STK32C: variants seen among roughly 807,000 people sequenced by gnomAD.
The protein encoded by STK32C is serine/threonine kinase 32C, also known as serine/threonine-protein kinase 32C.
In STK32C, 31 loss-of-function variants were observed where a neutral mutation model predicts 56.5. The ratio of observed to expected loss-of-function variants is 0.55; its 90% CI spans 0.41 to 0.74. STK32C has a LOEUF of 0.74. Ranked by LOEUF, STK32C falls within the 30% of genes least tolerant of loss-of-function variation. The pLI is 0.00. For synonymous variants in STK32C, 309 were observed against 289.4 expected, an observed-to-expected ratio of 1.07 and a Z score of -0.69; for missense variants, 544 against 676.9, an observed-to-expected ratio of 0.80 and a Z score of 2.18.
chr10:132,308,312 G>T (rs1188201189), upstream of STK32C, among the ~76,000 whole-genome samples: 1 of 152,174 alleles, frequency 6.6e-6, no homozygotes, highest in African/African-American at 2.4e-5. Flanking sequence ...GGCGTCCCTG[G>T]CACGGGGACT....
intron 1 of STK32C, among the ~76,000 whole-genome samples, chr10:132,301,977 C>A (rs1336188153): frequency 6.6e-6 from 1 of 152,248 alleles, no homozygotes; most frequent in African/African-American, 2.4e-5. Flanking sequence ...CGCGGGCCAG[C>A]AGCGCTGGCA....
intron 1 of STK32C, among the ~76,000 whole-genome samples, chr10:132,326,334 A>G (rs1208853296): frequency 1.3e-5 from 2 of 151,804 alleles, no homozygotes; most frequent in African/African-American, 4.8e-5. Context: ...CAGTCTTAAA[A>G]CCTCTATTTT....
intron 1 of STK32C, among the ~76,000 whole-genome samples, chr10:132,253,559 G>A (rs112083057): frequency 0.079 from 11,276 of 142,074 alleles, 559 homozygotes; most frequent in East Asian, 0.32. Context: ...GGAGCTGGAG[G>A]GAGTCGAGGG....
chr10:132,332,207 G>C (rs900128569), upstream of STK32C: 11 of 155,262 alleles, frequency 7.1e-5, no homozygotes, highest in African/African-American at 2.6e-4. Flanking sequence ...TCGGGCTGCT[G>C]CTCTCAGCGG....
intron 1 of STK32C, among the ~76,000 whole-genome samples, chr10:132,268,789 CCCA>C (rs1454522691): frequency 7.1e-6 from 1 of 141,434 alleles, no homozygotes; most frequent in African/African-American, 2.7e-5. Context: ...GCATCCATGT[CCCA>C]CATCGTGTGT....
intron 2 of STK32C, among the ~76,000 whole-genome samples, chr10:132,243,104 C>T (rs918109201): frequency 3.3e-5 from 5 of 152,198 alleles, no homozygotes; most frequent in Non-Finnish European, 7.3e-5. Flanking sequence ...GGGGCAGCGA[C>T]CTCCCCTCAT....
intron 1 of STK32C, among the ~76,000 whole-genome samples, chr10:132,302,662 G>C (rs370791750): frequency 1.3e-5 from 2 of 152,228 alleles, no homozygotes; most frequent in Non-Finnish European, 2.9e-5. Context: ...TTGCCTCACA[G>C]GGTCAGGAGG....
chr10:132,327,159 GGGGCA>G (rs2066516042), intron 1 of STK32C, among the ~76,000 whole-genome samples: 2 of 152,060 alleles, frequency 1.3e-5, no homozygotes, highest in South Asian at 4.1e-4. Context: ...CTGAATCATG[GGGGCA>G]GGTCTTTCCC....
chr10:132,290,532 T>C (rs2065532290), intron 1 of STK32C, among the ~76,000 whole-genome samples: 1 of 152,178 alleles, frequency 6.6e-6, no homozygotes, highest in African/African-American at 2.4e-5. Flanking sequence ...ATCTCCAAAC[T>C]CAAAGCCAGA....
chr10:132,310,044 C>T (rs977057558), upstream of STK32C, among the ~76,000 whole-genome samples: 1 of 152,194 alleles, frequency 6.6e-6, no homozygotes, highest in East Asian at 1.9e-4. This position sits in a 1 kb window ranked among gnomAD's most constrained non-coding sequence, Gnocchi z 4.6. Context: ...GACGCCTCCC[C>T]GGCCCGGGCA....
chr10:132,309,502 C>T (rs1226219703), upstream of STK32C, among the ~76,000 whole-genome samples: 1 of 152,254 alleles, frequency 6.6e-6, no homozygotes, highest in Non-Finnish European at 1.5e-5. Context: ...GCAGCTCTCC[C>T]TGCCTGGCTA....
At chr10:132,267,912 TCA>T in intron 1 of STK32C, among the ~76,000 whole-genome samples, 1 of 147,190 alleles carries the variant, frequency 6.8e-6, no homozygotes, top group African/African-American at 2.5e-5. Flanking sequence ...TGTGTGTGTG[TCA>T]GTGCGTGTGC....
At chr10:132,230,151 G>C (rs368436784) in intron 2 of STK32C, among the ~76,000 whole-genome samples, 1 of 152,054 alleles carries the variant, frequency 6.6e-6, no homozygotes, top group Admixed American at 6.5e-5. Flanking sequence ...TTGGGAGGGC[G>C]GGGCGGGGCG....
At chr10:132,242,017 T>C (rs1388226581) in intron 2 of STK32C, among the ~76,000 whole-genome samples, 2 of 151,708 alleles carry the variant, frequency 1.3e-5, no homozygotes, top group Non-Finnish European at 2.9e-5. Context: ...GGCTGAGGAA[T>C]GAGAATCACT....
intron 1 of STK32C, among the ~76,000 whole-genome samples, chr10:132,263,296 G>T (rs2064367579): frequency 1.3e-5 from 2 of 152,156 alleles, no homozygotes; most frequent in Non-Finnish European, 2.9e-5. Flanking sequence ...GTGGCAACAT[G>T]GATGCAGCTG....
At chr10:132,249,243 G>A (rs1271892859) in intron 1 of STK32C, 2 of 357,480 alleles carry the variant, frequency 5.6e-6, no homozygotes, top group Non-Finnish European at 1.1e-5. Flanking sequence ...CTGAGGGTGG[G>A]GCTGTGGGGT....
chr10:132,272,526 T>C (rs2064861058), intron 1 of STK32C, among the ~76,000 whole-genome samples: 1 of 152,160 alleles, frequency 6.6e-6, no homozygotes, highest in Non-Finnish European at 1.5e-5. Flanking sequence ...GCCTGAAGCC[T>C]TGGCATGGGC....
chr10:132,245,112 C>T (rs761191482), intron 2 of STK32C, among the ~76,000 whole-genome samples: 5 of 152,184 alleles, frequency 3.3e-5, no homozygotes, highest in South Asian at 4.1e-4. Context: ...AAATACCCTA[C>T]GTATTATGCT....
chr10:132,285,871 C>T (rs2138270116), intron 1 of STK32C, among the ~76,000 whole-genome samples: 1 of 152,280 alleles, frequency 6.6e-6, no homozygotes. Flanking sequence ...CGTGTAAGCC[C>T]AGCACTTTGG....
Sources: gnomAD v4.1 joint callset for allele counts (sites outside exome capture counted in the v4.1 genomes callset) on GRCh38, gnomAD v4.1.1 for gene constraint, Gnocchi (gnomAD v3.1) non-coding constraint, MANE v1.5 for transcripts, NCBI Gene and HGNC (gene_info 2026-07-23, HGNC 2026-07-21) for gene names.